The following PDPR variants were observed in gnomAD, a reference collection of about 807,000 sequenced individuals.
PDPR encodes the protein pyruvate dehydrogenase phosphatase regulatory subunit.
A neutral mutation model predicts 102.2 loss-of-function variants in PDPR; 50 were observed. That is an observed-to-expected ratio of 0.49 (90% CI 0.39 to 0.62). The LOEUF is 0.62. Among genes scored for constraint, PDPR ranks in the 20% least tolerant of loss-of-function variants. The probability of loss-of-function intolerance (pLI) is 0.00; values close to 1 mark genes in which losing one functional copy is unlikely to be tolerated. For missense variants in PDPR, 625 were observed against 1,098.2 expected (o/e 0.57, Z 6.09); for synonymous variants, 259 against 406.0 (o/e 0.64, Z 4.35).
In PDPR at chr16:70,157,118, A is replaced by G. The variant is rs1384216715; in HGVS notation, c.*239A>G. 3 of 703,952 alleles carry G rather than the reference A, an allele frequency of 4.3e-6. No individual in the cohort carries two copies. In the South Asian group the frequency reaches 4.5e-5, roughly 11 times the overall value. 43.6% of individuals were successfully genotyped at this position (703,952 alleles called of 1,614,324 possible). ...GGCTCTTCTTCCCTTCCCACCCCTCACTCAGCTTCTCGTGGTGGCAGGAGG... is the reference window on the plus strand; with the variant it reads ...GGCTCTTCTTCCCTTCCCACCCCTCGCTCAGCTTCTCGTGGTGGCAGGAGG... On this transcript the variant is annotated 3_prime_UTR_variant, in exon 19 of 19. Transcript: ENST00000288050.
At chr16:70,150,349 C>A (rs557076646) in intron 17 of PDPR, among the ~76,000 whole-genome samples, 2 of 152,138 alleles carry the variant, frequency 1.3e-5, no homozygotes, top group African/African-American at 4.8e-5. Flanking sequence ...GGTGATCCAC[C>A]CACCTCGGCC....
Position 70,160,014 on chromosome 16 carries a change from CAT to C in PDPR, c.*3137_*3138del, listed in dbSNP as rs1967631677. 1 of 153,122 alleles carries C rather than the reference CAT, an allele frequency of 6.5e-6. No homozygotes were observed. The highest frequency in any genetic ancestry group is 1.5e-5 in the Non-Finnish European group (1 of 68,704). 9.5% of individuals were successfully genotyped at this position (153,122 alleles called of 1,614,324 possible). On this transcript the variant is annotated 3_prime_UTR_variant, in exon 19 of 19. Coordinates refer to ENST00000288050, the MANE Select transcript of PDPR (RefSeq NM_017990.5). Reference sequence around the variant, plus strand: ...CTTTTTTCTCTCTGCAATTACCTGTCATAGCATTTTGTGCTCACCACGAAGGA... The same window carrying C: ...CTTTTTTCTCTCTGCAATTACCTGTCAGCATTTTGTGCTCACCACGAAGGA...
At chr16:70,151,580 C>T (rs1188283586) in intron 17 of PDPR, among the ~76,000 whole-genome samples, 1 of 152,284 alleles carries the variant, frequency 6.6e-6, no homozygotes, top group Non-Finnish European at 1.5e-5. Flanking sequence ...AAGTGCCACC[C>T]AGTGGTTCAG....
chr16:70,121,355 CATTA>C (rs1409004734), intron 3 of PDPR, among the ~76,000 whole-genome samples: 1 of 151,716 alleles, frequency 6.6e-6, no homozygotes, highest in African/African-American at 2.4e-5. Flanking sequence ...TATAATCCAT[CATTA>C]ATTAATATTA....
At chr16:70,115,559 T>G (rs945499925) in intron 2 of PDPR, among the ~76,000 whole-genome samples, 3 of 152,198 alleles carry the variant, frequency 2.0e-5, no homozygotes, top group African/African-American at 7.2e-5. Flanking sequence ...TCCCAGGTGG[T>G]TCTTTTGCTG....
chr16:70,143,193 AAAAAAC>A (rs1412473854), intron 13 of PDPR, among the ~76,000 whole-genome samples: 7 of 152,296 alleles, frequency 4.6e-5, no homozygotes, highest in African/African-American at 1.4e-4. Flanking sequence ...ATCTCAAAAA[AAAAAAC>A]AAAAAACAAA....
chr16:70,142,236 T>G lies in PDPR; in HGVS notation c.1318T>G (p.Leu440Val), dbSNP rs755694009. Residue 440 changes from leucine (L) to valine (V), a missense_variant and splice_region_variant, in exon 12 of 19, where the codon TTG (leucine) becomes GTG (valine). This residue lies in a region of PDPR where 34 missense variants were observed against 76.6 expected (regional missense o/e 0.44). Coordinates refer to ENST00000288050, the MANE Select transcript of PDPR (RefSeq NM_017990.5). ...TAGACTACTCGTGTCTTTTCTAGCT[T>G]TGATGTATGATCTGAAGGTTCCCCG... ...LRHRVMEVMP[L>V]MYDLKVPRWD... 1.2e-6 allele frequency: 2 copies of G among 1,613,656 alleles called. No individual in the cohort carries two copies. The highest frequency in any genetic ancestry group is 1.7e-6 in the Non-Finnish European group (2 of 1,179,794).
At chr16:70,129,704 C>T (rs1265539058) in intron 6 of PDPR, among the ~76,000 whole-genome samples, 1 of 152,268 alleles carries the variant, frequency 6.6e-6, no homozygotes, top group African/African-American at 2.4e-5. Context: ...TTGAGAAGCT[C>T]AAGGTGAAAA....
At chr16:70,118,550 A>G (rs1038584621) in intron 2 of PDPR, among the ~76,000 whole-genome samples, 7 of 152,236 alleles carry the variant, frequency 4.6e-5, no homozygotes, top group African/African-American at 1.7e-4. Context: ...ATTTGGCAGC[A>G]GCAGTTCCCC....
At chr16:70,147,828 G>C (rs1966361692) in intron 16 of PDPR, among the ~76,000 whole-genome samples, 1 of 152,258 alleles carries the variant, frequency 6.6e-6, no homozygotes, top group Non-Finnish European at 1.5e-5. Context: ...TTGCTCTGCT[G>C]CTTGGAGGAG....
At chr16:70,118,092 C>CAA (rs67379775) in intron 2 of PDPR, among the ~76,000 whole-genome samples, 11 of 105,736 alleles carry the variant, frequency 1.0e-4, no homozygotes, top group Non-Finnish European at 1.1e-4. Context: ...GACTCTGTCT[C>CAA]AAAAAAAAAA....
intron 3 of PDPR, among the ~76,000 whole-genome samples, chr16:70,123,896 A>G (rs1963630300): frequency 6.6e-6 from 1 of 152,044 alleles, no homozygotes; most frequent in Non-Finnish European, 1.5e-5. Context: ...CTACTAAAAA[A>G]TACAGAAATT....
intron 2 of PDPR, 104 bp from the exon 3 acceptor site, chr16:70,120,357 A>G (rs1430253098): frequency 7.2e-6 from 5 of 696,064 alleles, no homozygotes; most frequent in African/African-American, 1.8e-5. Flanking sequence ...GCCACCCTCA[A>G]ATATTTGCTG....
chr16:70,141,242 C>T (rs1965683614), intron 11 of PDPR, among the ~76,000 whole-genome samples: 1 of 152,354 alleles, frequency 6.6e-6, no homozygotes, highest in Non-Finnish European at 1.5e-5. Context: ...TTAGTAGAGA[C>T]AGGGTTTCAC....
At chr16:70,141,315 G>T (rs1419550171) in intron 11 of PDPR, among the ~76,000 whole-genome samples, 1 of 152,258 alleles carries the variant, frequency 6.6e-6, no homozygotes. Context: ...ACCTCTCAGT[G>T]CTGGGTTTAC....
chr16:70,154,155 C>G (rs78562839), intron 18 of PDPR, among the ~76,000 whole-genome samples: 473 of 148,238 alleles, frequency 3.2e-3, no homozygotes, highest in Non-Finnish European at 4.6e-3. Context: ...GACTCCGTCT[C>G]AAAAAAAAAA....
At chr16:70,119,976 G>A (rs1474651542) in intron 2 of PDPR, among the ~76,000 whole-genome samples, 1 of 151,486 alleles carries the variant, frequency 6.6e-6, no homozygotes, top group African/African-American at 2.4e-5. Flanking sequence ...GAGTGCGGTG[G>A]CGCGATCTCT....
At chr16:70,154,461 C>T (rs1966890609) in intron 18 of PDPR, among the ~76,000 whole-genome samples, 1 of 152,284 alleles carries the variant, frequency 6.6e-6, no homozygotes, top group African/African-American at 2.4e-5. Context: ...AAGACCTTGT[C>T]TCTGAATTAC....
At chr16:70,133,473 A>C (rs1426843248) in intron 9 of PDPR, among the ~76,000 whole-genome samples, 1 of 134,204 alleles carries the variant, frequency 7.5e-6, no homozygotes, top group African/African-American at 2.9e-5. Context: ...ACTGGAGTGC[A>C]GTGGCACAAT....
Sources: gnomAD v4.1 joint callset for allele counts (sites outside exome capture counted in the v4.1 genomes callset) on GRCh38, gnomAD v4.1.1 for gene constraint, gnomAD v4.1.1 regional missense constraint, MANE v1.5 for transcripts, NCBI Gene and HGNC (gene_info 2026-07-23, HGNC 2026-07-21) for gene names.